Variants in ADAM23 observed in about 807,000 individuals in gnomAD.
ADAM23 encodes ADAM metallopeptidase domain 23.
Under a neutral mutation model 120.1 loss-of-function variants are expected in ADAM23, and 33 were observed. That is an observed-to-expected ratio of 0.27 (90% CI 0.21 to 0.37). The LOEUF (loss-of-function observed/expected upper bound fraction) is 0.37. ADAM23 is among the 10% of genes least tolerant of loss of function. The pLI is 1.00. For missense variants in ADAM23, 862 were observed against 1,058.2 expected (o/e 0.81, Z 2.57); for synonymous variants, 367 against 375.2 (o/e 0.98, Z 0.25).
chr2:206,524,022 G>A (rs2105792394), intron 3 of ADAM23, among the ~76,000 whole-genome samples: 1 of 152,212 alleles, frequency 6.6e-6, no homozygotes, highest in Middle Eastern at 3.4e-3. Flanking sequence ...AGGGGTGGTA[G>A]GAGACTTCTT....
At chr2:206,567,927 G>A (rs945271405) in intron 15 of ADAM23, among the ~76,000 whole-genome samples, 17 of 152,168 alleles carry the variant, frequency 1.1e-4, no homozygotes, top group African/African-American at 4.1e-4. Context: ...GCGAGGAAGT[G>A]CCACAGTTTA....
At chr2:206,549,110 A>G (rs893051446) in intron 8 of ADAM23, among the ~76,000 whole-genome samples, 1 of 152,014 alleles carries the variant, frequency 6.6e-6, no homozygotes, top group African/African-American at 2.4e-5. Context: ...AGATAACTTA[A>G]TGAGTAACTA....
intron 3 of ADAM23, 53 bp from the exon 4 acceptor site, chr2:206,530,832 A>T: frequency 6.5e-7 from 1 of 1,531,982 alleles, no homozygotes; most frequent in Non-Finnish European, 9.0e-7. Flanking sequence ...GATTGTTTTT[A>T]AACCTCCAAG....
intron 1 of ADAM23, 122 bp from the exon 2 acceptor site, chr2:206,445,184 GA>G (rs766309506): frequency 1.4e-6 from 1 of 713,350 alleles, no homozygotes; most frequent in Non-Finnish European, 2.3e-6. Context: ...CTTATAAATA[GA>G]AAACTTTGTG....
intron 3 of ADAM23, among the ~76,000 whole-genome samples, chr2:206,484,055 G>A (rs1246704799): frequency 6.6e-6 from 1 of 152,090 alleles, no homozygotes; most frequent in Admixed American, 6.6e-5. Context: ...AAAGGAGAGA[G>A]GAGATATCTA....
intron 21 of ADAM23, among the ~76,000 whole-genome samples, chr2:206,590,749 C>T (rs1698410389): frequency 6.6e-6 from 1 of 152,128 alleles, no homozygotes. Context: ...AAGTGAAGCA[C>T]AGATGTTCCA....
intron 3 of ADAM23, among the ~76,000 whole-genome samples, chr2:206,510,634 A>G (rs925114553): frequency 1.3e-5 from 2 of 152,210 alleles, no homozygotes; most frequent in African/African-American, 4.8e-5. Context: ...TGTCTGAGAA[A>G]GACTTTTGAG....
intron 3 of ADAM23, among the ~76,000 whole-genome samples, chr2:206,523,174 A>G (rs563257075): frequency 6.6e-6 from 1 of 152,158 alleles, no homozygotes; most frequent in South Asian, 2.1e-4. Context: ...TCCTGTCCTC[A>G]TTATACTAGG....
intron 24 of ADAM23, chr2:206,605,701 A>G (rs1698715599): frequency 8.9e-6 from 6 of 676,862 alleles, no homozygotes; most frequent in Non-Finnish European, 1.6e-5. Context: ...CCAACTTTCA[A>G]AGCATGTCCT....
rs140407386 is a variant in ADAM23 at position 206,485,562 on chromosome 2, A to C, written c.509+4254A>C. ...CCCAGCTTGTGAGGACTAACCTGACAGGAGTTCCTGAGAGGAGAGCCTGGT... is the reference window on the plus strand; with the variant it reads ...CCCAGCTTGTGAGGACTAACCTGACCGGAGTTCCTGAGAGGAGAGCCTGGT... On this transcript the variant is annotated intron_variant, in intron 3 of 25. Transcript: ENST00000264377. Among the ~76,000 whole-genome samples, 248 of 152,298 alleles carry C rather than the reference A, an allele frequency of 1.6e-3. No homozygotes were observed. The Middle Eastern group carries it at 0.024, about 15-fold the overall frequency.
chr2:206,589,380 A>T (rs370122607), intron 20 of ADAM23, 29 bp from the exon 21 acceptor site: 1 of 1,582,760 alleles, frequency 6.3e-7, no homozygotes, highest in African/African-American at 1.3e-5. Flanking sequence ...AATGAAAATT[A>T]ATTTTCTTCT....
chr2:206,577,419 C>A (rs1399936503), intron 18 of ADAM23, among the ~76,000 whole-genome samples: 4 of 123,192 alleles, frequency 3.2e-5, no homozygotes, highest in Non-Finnish European at 5.0e-5. Context: ...CCCCTCCCCC[C>A]ACCCCACAAC....
At chr2:206,613,316 C>A (rs974840684) in intron 25 of ADAM23, among the ~76,000 whole-genome samples, 2 of 152,190 alleles carry the variant, frequency 1.3e-5, no homozygotes, top group Non-Finnish European at 2.9e-5. Context: ...GACTCGGCCT[C>A]CCAAAGTGTT....
intron 14 of ADAM23, among the ~76,000 whole-genome samples, chr2:206,566,773 A>G (rs1000928673): frequency 6.6e-6 from 1 of 152,076 alleles, no homozygotes. Context: ...ATAGTCTTTA[A>G]TATACTGGCC....
intron 3 of ADAM23, among the ~76,000 whole-genome samples, chr2:206,498,024 C>T (rs1230805985): frequency 2.0e-5 from 3 of 152,118 alleles, no homozygotes; most frequent in Non-Finnish European, 2.9e-5. Flanking sequence ...TGGAAGAACA[C>T]TCCATGCTCA....
In ADAM23 at chr2:206,557,459, C is replaced by G; in HGVS notation, c.966C>G (p.Thr322=). 2 of 1,613,874 alleles carry G rather than the reference C, an allele frequency of 1.2e-6. No homozygotes were observed. The highest frequency in any genetic ancestry group is 1.7e-6 in the Non-Finnish European group (2 of 1,179,864). Residue 322 remains threonine (T), a synonymous_variant, in exon 10 of 26, where the codon ACC becomes ACG. Coordinates refer to ENST00000264377, the MANE Select transcript of ADAM23 (RefSeq NM_003812.4). ...AGCATCGCTCTTCTCATGCACATACCAACAACTTTGCAAAGTCCGTGGTCA... is the reference window on the plus strand; with the variant it reads ...AGCATCGCTCTTCTCATGCACATACGAACAACTTTGCAAAGTCCGTGGTCA... The part of the protein sequence containing the change: ...YKKHRSSHAH[T]NNFAKSVVNL...
chr2:206,502,206 A>G (rs529189193), intron 3 of ADAM23, among the ~76,000 whole-genome samples: 1 of 152,252 alleles, frequency 6.6e-6, no homozygotes, highest in East Asian at 1.9e-4. Flanking sequence ...GCGATTGAAA[A>G]CAGGGCATGC....
At chr2:206,451,413 C>T (rs1574474396) in intron 2 of ADAM23, among the ~76,000 whole-genome samples, 2 of 152,090 alleles carry the variant, frequency 1.3e-5, no homozygotes, top group Admixed American at 1.3e-4. Flanking sequence ...GTAATTTTTG[C>T]GTTTCCAGTA....
intron 3 of ADAM23, among the ~76,000 whole-genome samples, chr2:206,519,395 T>TGCAC: frequency 6.6e-6 from 1 of 152,216 alleles, no homozygotes; most frequent in South Asian, 2.1e-4. Flanking sequence ...TTAGAGAAAT[T>TGCAC]AGTTGTGATT....
Sources: allele counts gnomAD v4.1 joint callset (sites outside exome capture counted in the v4.1 genomes callset), GRCh38; gene constraint gnomAD v4.1.1; transcripts MANE v1.5; gene names NCBI Gene and HGNC (gene_info 2026-07-23, HGNC 2026-07-21).